Variants in ABLIM1 observed in about 807,000 individuals in gnomAD.
ABLIM1 encodes the protein actin binding LIM protein 1, also known as actin-binding LIM protein 1.
Under a neutral mutation model 107.0 loss-of-function variants are expected in ABLIM1, and 40 were observed. The ratio of observed to expected loss-of-function variants is 0.37; its 90% CI spans 0.29 to 0.49. ABLIM1 has a LOEUF of 0.49. Among genes scored for constraint, ABLIM1 ranks in the 20% least tolerant of loss-of-function variants. The pLI is 0.97. For synonymous variants in ABLIM1, 357 were observed against 357.3 expected (o/e 1.00, Z 0.01); for missense variants, 857 against 1,008.5 (o/e 0.85, Z 2.04).
At chr10:114,591,886 G>A (rs185415853) in intron 2 of ABLIM1, among the ~76,000 whole-genome samples, 17 of 152,196 alleles carry the variant, frequency 1.1e-4, no homozygotes, top group African/African-American at 3.6e-4. Flanking sequence ...TCCTTTGGGT[G>A]TCCTGTTAGC....
intron 1 of ABLIM1, among the ~76,000 whole-genome samples, chr10:114,620,973 A>G (rs1029034511): frequency 6.6e-6 from 1 of 152,108 alleles, no homozygotes; most frequent in African/African-American, 2.4e-5. Flanking sequence ...CCCCAGTTCT[A>G]ATCATCCTTA....
At chr10:114,616,913 T>A (rs1417732622) in intron 1 of ABLIM1, among the ~76,000 whole-genome samples, 1 of 152,228 alleles carries the variant, frequency 6.6e-6, no homozygotes, top group Non-Finnish European at 1.5e-5. Flanking sequence ...TGTCCTTATT[T>A]TCTGATGAGG....
intron 1 of ABLIM1, among the ~76,000 whole-genome samples, chr10:114,650,135 G>T (rs1361388551): frequency 6.6e-6 from 1 of 152,138 alleles, no homozygotes; most frequent in Non-Finnish European, 1.5e-5. Flanking sequence ...GATTACAGGC[G>T]TGAGCCACTG....
chr10:114,540,090 A>G (rs2066480706), intron 6 of ABLIM1, among the ~76,000 whole-genome samples: 1 of 152,214 alleles, frequency 6.6e-6, no homozygotes, highest in African/African-American at 2.4e-5. Context: ...CCCTAAAAAG[A>G]GAATCTTGCT....
At chr10:114,762,665 C>T (rs952444120) in intron 1 of ABLIM1, among the ~76,000 whole-genome samples, 1 of 152,210 alleles carries the variant, frequency 6.6e-6, no homozygotes, top group East Asian at 1.9e-4. Flanking sequence ...CTGCTAAATG[C>T]TTGTTATGTA....
chr10:114,657,152 T>A (rs2079562355), intron 1 of ABLIM1, among the ~76,000 whole-genome samples: 1 of 152,228 alleles, frequency 6.6e-6, no homozygotes, highest in Non-Finnish European at 1.5e-5. Flanking sequence ...TGAATCCAAT[T>A]CAACTCTGGC....
At chr10:114,439,991 C>T in intron 20 of ABLIM1, 91 bp downstream of exon 20, 2 of 1,602,630 alleles carry the variant, frequency 1.2e-6, no homozygotes, top group Non-Finnish European at 1.7e-6. Context: ...ATCTTCTCAA[C>T]AGAAACTGTT....
chr10:114,577,037 C>G (rs1296524100), intron 2 of ABLIM1, among the ~76,000 whole-genome samples: 18 of 152,236 alleles, frequency 1.2e-4, no homozygotes, highest in African/African-American at 4.3e-4. Context: ...GTGGATTGGC[C>G]TCATTCTGAT....
At chr10:114,652,015 G>A (rs1218749717) in intron 1 of ABLIM1, among the ~76,000 whole-genome samples, 1 of 152,176 alleles carries the variant, frequency 6.6e-6, no homozygotes, top group Non-Finnish European at 1.5e-5. Flanking sequence ...CTGAGGGCAG[G>A]AACCACATGC....
At chr10:114,591,495 C>T (rs923311957) in intron 2 of ABLIM1, among the ~76,000 whole-genome samples, 2 of 151,752 alleles carry the variant, frequency 1.3e-5, no homozygotes, top group Non-Finnish European at 2.9e-5. Flanking sequence ...TGATAAAATC[C>T]CTGGGCCTGA....
intron 2 of ABLIM1, among the ~76,000 whole-genome samples, chr10:114,582,939 G>T (rs1161669652): frequency 6.6e-6 from 1 of 152,076 alleles, no homozygotes; most frequent in Non-Finnish European, 1.5e-5. Flanking sequence ...TACCCTTCTG[G>T]ACATCGGCCT....
rs748081643 is a variant in ABLIM1 at position 114,544,991 on chromosome 10, G to C, written c.894+14C>G. ...AGATGGCGGTAGCTATGAGGGAGCC[G>C]GTCTGCCACTTACCTCCAGGACTTT... is the stretch of plus-strand genomic sequence containing the variant. On this transcript the variant is annotated intron_variant, in intron 6 of 22. Coordinates refer to ENST00000533213, the MANE Select transcript of ABLIM1 (RefSeq NM_002313.7). 20 of 1,612,904 alleles carry C rather than the reference G, an allele frequency of 1.2e-5. No homozygotes were observed. The highest frequency in any genetic ancestry group is 1.7e-5 in the Non-Finnish European group (20 of 1,178,976).
At chr10:114,549,493 C>T (rs1338870401) in intron 4 of ABLIM1, among the ~76,000 whole-genome samples, 2 of 152,062 alleles carry the variant, frequency 1.3e-5, no homozygotes. Context: ...CTCTGGCTTC[C>T]CTCTTGCTGC....
intron 1 of ABLIM1, among the ~76,000 whole-genome samples, chr10:114,722,509 T>C (rs2081870437): frequency 6.6e-6 from 1 of 152,232 alleles, no homozygotes; most frequent in Admixed American, 6.5e-5. Context: ...AGTCATATTT[T>C]AAAATAAAAT....
intron 1 of ABLIM1, among the ~76,000 whole-genome samples, chr10:114,690,926 C>A (rs146927798): frequency 6.6e-6 from 1 of 152,246 alleles, no homozygotes; most frequent in Non-Finnish European, 1.5e-5. Flanking sequence ...AACTGATCCT[C>A]CTGCCTTGGT....
At chr10:114,526,253 TA>T (rs2064724246) in intron 6 of ABLIM1, among the ~76,000 whole-genome samples, 1 of 152,132 alleles carries the variant, frequency 6.6e-6, no homozygotes, top group African/African-American at 2.4e-5. Context: ...GACTCAAATG[TA>T]AATTTCACAG....
At chr10:114,617,385 C>T (rs1283346407) in intron 1 of ABLIM1, among the ~76,000 whole-genome samples, 2 of 151,820 alleles carry the variant, frequency 1.3e-5, no homozygotes, top group African/African-American at 4.8e-5. Context: ...CCTCAGCCTC[C>T]CGAGTAGCTG....
intron 2 of ABLIM1, among the ~76,000 whole-genome samples, chr10:114,576,519 T>C (rs2072575955): frequency 1.3e-5 from 2 of 152,278 alleles, no homozygotes; most frequent in South Asian, 4.2e-4. Flanking sequence ...TGGTATTCAG[T>C]TGGGGTGGGG....
intron 2 of ABLIM1, among the ~76,000 whole-genome samples, chr10:114,590,851 A>C (rs1271334257): frequency 6.6e-6 from 1 of 152,154 alleles, no homozygotes; most frequent in Admixed American, 6.6e-5. Flanking sequence ...TATGGACAAA[A>C]AAATTTTAAG....
Sources: gnomAD v4.1 joint callset for allele counts (sites outside exome capture counted in the v4.1 genomes callset) on GRCh38, gnomAD v4.1.1 for gene constraint, MANE v1.5 for transcripts, NCBI Gene and HGNC (gene_info 2026-07-23, HGNC 2026-07-21) for gene names.